The following THAP8 variants were observed in gnomAD, a reference collection of about 807,000 sequenced individuals.
THAP8 encodes the protein THAP domain containing 8.
Under a neutral mutation model 25.0 loss-of-function variants are expected in THAP8, and 24 were observed. The observed-to-expected ratio is 0.96, with a 90% CI of 0.69 to 1.35. THAP8 has a LOEUF of 1.35. Ranked by LOEUF, THAP8 falls within the 40% of genes most tolerant of loss-of-function variation. The pLI, the probability that THAP8 is intolerant of heterozygous loss-of-function variation, is 0.00. For missense variants in THAP8, 399 were observed against 368.8 expected, an observed-to-expected ratio of 1.08 and a Z score of -0.67; for synonymous variants, 169 against 157.6, an observed-to-expected ratio of 1.07 and a Z score of -0.54.
chr19:36,037,289 C>T (rs1292317262), intron 3 of THAP8, among the ~76,000 whole-genome samples: 2 of 137,482 alleles, frequency 1.5e-5, no homozygotes, highest in Admixed American at 7.4e-5. Context: ...CCTTCCTCAG[C>T]TTCCTCCCCT....
chr19:36,043,290 A>G (rs1333520229), intron 1 of THAP8, among the ~76,000 whole-genome samples: 1 of 152,132 alleles, frequency 6.6e-6, no homozygotes, highest in Non-Finnish European at 1.5e-5. Flanking sequence ...GAGGGCCATT[A>G]GGGTAAGTGA....
At chr19:36,043,087 C>G (rs1234913298) in intron 1 of THAP8, among the ~76,000 whole-genome samples, 1 of 152,140 alleles carries the variant, frequency 6.6e-6, no homozygotes, top group Non-Finnish European at 1.5e-5. Flanking sequence ...TGCCACTGCA[C>G]CTGGCTATTT....
intron 3 of THAP8, among the ~76,000 whole-genome samples, chr19:36,038,206 G>T (rs1045031796): frequency 6.6e-6 from 1 of 152,160 alleles, no homozygotes; most frequent in Admixed American, 6.5e-5. Context: ...GTCTCCCAAA[G>T]TGCTGGGATT....
At chr19:36,046,008 G>A (rs1016009143) in intron 1 of THAP8, 4 of 389,200 alleles carry the variant, frequency 1.0e-5, no homozygotes, top group Non-Finnish European at 5.1e-6. Context: ...TTTCACATTT[G>A]CTGGTATTTA....
Position 36,051,736 on chromosome 19 carries a change from G to C in THAP8, c.83+2399C>G, listed in dbSNP as rs117642457. Among the ~76,000 whole-genome samples, 1,175 of 152,268 alleles carry C rather than the reference G, an allele frequency of 7.7e-3. 3 individuals carry two copies. Among genetic ancestry groups the C allele is most frequent in the Non-Finnish European group, 0.013 (901 of 68,016 alleles). Reference sequence around the variant, plus strand: ...TCAGATTTATTTACAATGGCAATGGGAGAGTCTGCACACTAGAGATACCAT... The same window carrying C: ...TCAGATTTATTTACAATGGCAATGGCAGAGTCTGCACACTAGAGATACCAT... On this transcript the variant is annotated intron_variant, in intron 1 of 3. Transcript: ENST00000292894.
At chr19:36,043,751 G>T (rs1568552833) in intron 1 of THAP8, among the ~76,000 whole-genome samples, 1 of 152,074 alleles carries the variant, frequency 6.6e-6, no homozygotes, top group African/African-American at 2.4e-5. Context: ...AGCCAGGCCT[G>T]GTGGCGTGTC....
At chr19:36,041,503 G>A (rs1969692554) in intron 1 of THAP8, among the ~76,000 whole-genome samples, 1 of 152,120 alleles carries the variant, frequency 6.6e-6, no homozygotes, top group Non-Finnish European at 1.5e-5. Flanking sequence ...GATTGGCAAA[G>A]TGTTGATAAC....
At chr19:36,039,850 A>T in intron 2 of THAP8, 94 bp downstream of exon 2, 4 of 1,584,384 alleles carry the variant, frequency 2.5e-6, no homozygotes, top group Non-Finnish European at 3.4e-6. Flanking sequence ...TGTCGTCAGG[A>T]GGGGAGGGCC....
intron 1 of THAP8, among the ~76,000 whole-genome samples, chr19:36,043,262 A>G (rs1208454333): frequency 6.6e-6 from 1 of 152,190 alleles, no homozygotes; most frequent in African/African-American, 2.4e-5. Context: ...GACACATGCA[A>G]CAACACAGAT....
chr19:36,039,734 T>C lies in THAP8; in HGVS notation c.277-16A>G, dbSNP rs1478702941. The C allele has an allele frequency of 1.3e-6, 2 of 1,506,146 alleles. No individual in the cohort carries two copies. Among genetic ancestry groups the C allele is most frequent in the South Asian group, 1.3e-5 (1 of 75,574 alleles). The allele number at this position is 1,506,146 out of a possible 1,614,324, so 93.3% of individuals were successfully genotyped here. A position where few individuals can be genotyped will look rare whatever the true frequency, so the allele number is the denominator to read the frequency against. On this transcript the variant is annotated splice_polypyrimidine_tract_variant and intron_variant, in intron 2 of 3. Transcript: ENST00000292894. ...TCCGCTGACTCTGGAAGACAAGGCA[T>C]GGGGTGCAGGGGTGCCGTGGTCAGA...
chr19:36,041,652 A>G (rs932824005), intron 1 of THAP8, among the ~76,000 whole-genome samples: 2 of 152,210 alleles, frequency 1.3e-5, no homozygotes, highest in African/African-American at 2.4e-5. Context: ...TTGAACAAAC[A>G]TTTCTCCAAA....
chr19:36,053,913 C>T (rs373192882), intron 1 of THAP8, among the ~76,000 whole-genome samples: 1 of 152,282 alleles, frequency 6.6e-6, no homozygotes, highest in South Asian at 2.1e-4. Flanking sequence ...CTCTTCGGCT[C>T]GCTTCGCTCG....
At position 36,035,387 on chromosome 19, in the gene THAP8, C is replaced by G; in HGVS notation, c.*53G>C. On this transcript the variant is annotated 3_prime_UTR_variant, in exon 4 of 4. Transcript: ENST00000292894. ...GCTGGGCCAAGCCCACGTATAATGT[C>G]TTTCCTCCTCCATCTTCTATCTTTT... is the stretch of plus-strand genomic sequence containing the variant. The G allele has an allele frequency of 6.3e-7, 1 of 1,580,492 alleles. No homozygotes were observed.
upstream of THAP8, chr19:36,054,728 T>C (rs1341220143): frequency 3.3e-6 from 2 of 597,738 alleles, no homozygotes; most frequent in East Asian, 2.8e-5. Context: ...AAAGACCCCA[T>C]GACGCTTAAT....
chr19:36,054,427 G>A, upstream of THAP8: 1 of 622,172 alleles, frequency 1.6e-6, no homozygotes, highest in Non-Finnish European at 2.8e-6. Flanking sequence ...CGTGACGAAT[G>A]GGCCATAGCG....
chr19:36,051,046 T>C (rs1970042899), intron 1 of THAP8, among the ~76,000 whole-genome samples: 1 of 152,122 alleles, frequency 6.6e-6, no homozygotes, highest in South Asian at 2.1e-4. Flanking sequence ...AGATAATGAA[T>C]GAATACATCG....
chr19:36,054,395 T>C, upstream of THAP8: 1 of 702,026 alleles, frequency 1.4e-6, no homozygotes, highest in Non-Finnish European at 2.4e-6. Flanking sequence ...CCCTCCACAG[T>C]GCCACAGTCC....
At chr19:36,050,261 CACTGTCTCATGTAGCTGGA>C (rs1467204998) in intron 1 of THAP8, among the ~76,000 whole-genome samples, 1 of 152,122 alleles carries the variant, frequency 6.6e-6, no homozygotes, top group African/African-American at 2.4e-5. Flanking sequence ...TCTCTCACCT[CACTGTCTCATGTAGCTGGA>C]ACTACAGGTG....
At chr19:36,036,272 C>CTTTTTATT (rs1555788770) in intron 3 of THAP8, among the ~76,000 whole-genome samples, 6 of 110,482 alleles carry the variant, frequency 5.4e-5, no homozygotes, top group African/African-American at 2.2e-4. Flanking sequence ...AAAGACCAGA[C>CTTTTTATT]TTTTTTTTTT....
Sources: gnomAD v4.1 joint callset for allele counts (sites outside exome capture counted in the v4.1 genomes callset) on GRCh38, gnomAD v4.1.1 for gene constraint, MANE v1.5 for transcripts, NCBI Gene and HGNC (gene_info 2026-07-23, HGNC 2026-07-21) for gene names.